The following CSMD1 variants were observed in gnomAD, a reference collection of about 807,000 sequenced individuals.
CSMD1 encodes CUB and sushi domain-containing protein 1.
CSMD1 carries 213 observed loss-of-function variants against 417.5 expected under a neutral mutation model. The ratio of observed to expected loss-of-function variants is 0.51; its 90% CI spans 0.46 to 0.57. CSMD1 has a LOEUF of 0.57. Among genes scored for constraint, CSMD1 ranks in the 20% least tolerant of loss-of-function variants. The pLI is 0.00. For missense variants in CSMD1, 6,923 were observed against 4,529.7 expected, an observed-to-expected ratio of 1.53 and a Z score of -15.17; for synonymous variants, 2,862 against 1,736.8, an observed-to-expected ratio of 1.65 and a Z score of -16.11.
intron 1 of CSMD1, among the ~76,000 whole-genome samples, chr8:4,648,997 A>G (rs1359646399): frequency 6.6e-6 from 1 of 152,190 alleles, no homozygotes; most frequent in East Asian, 1.9e-4. Flanking sequence ...CCTTCAATAA[A>G]CATATCTATA....
intron 4 of CSMD1, among the ~76,000 whole-genome samples, chr8:4,010,527 C>T (rs910525627): frequency 6.6e-6 from 1 of 152,086 alleles, no homozygotes; most frequent in Non-Finnish European, 1.5e-5. Context: ...ATCACCATTC[C>T]CATCATCACC....
intron 23 of CSMD1, among the ~76,000 whole-genome samples, chr8:3,325,601 A>T (rs1001902168): frequency 6.6e-6 from 1 of 152,194 alleles, no homozygotes; most frequent in Admixed American, 6.5e-5. Context: ...AGGCGGGCAA[A>T]TGGCCTGAGG....
intron 3 of CSMD1, among the ~76,000 whole-genome samples, chr8:4,415,803 G>A (rs74341629): frequency 0.032 from 4,838 of 152,234 alleles, 140 homozygotes; most frequent in African/African-American, 0.079. Context: ...GTGTTTACAT[G>A]TATGTGCATT....
chr8:4,291,546 A>T (rs981043546), intron 3 of CSMD1, among the ~76,000 whole-genome samples: 1 of 152,288 alleles, frequency 6.6e-6, no homozygotes, highest in Middle Eastern at 3.4e-3. Context: ...CACATAAAAA[A>T]ATTGCTTAGT....
intron 54 of CSMD1, among the ~76,000 whole-genome samples, chr8:2,986,193 A>G (rs139315891): frequency 2.6e-3 from 394 of 152,312 alleles, no homozygotes; most frequent in Admixed American, 4.6e-3. Context: ...TCCTGCGATA[A>G]TATAAACTTT....
intron 2 of CSMD1, among the ~76,000 whole-genome samples, chr8:4,475,087 T>C (rs1355815731): frequency 2.0e-5 from 3 of 152,192 alleles, no homozygotes; most frequent in African/African-American, 4.8e-5. Flanking sequence ...TATTTATTTT[T>C]AAGCATTTGA....
chr8:4,730,550 C>T (rs1313815295), intron 1 of CSMD1, among the ~76,000 whole-genome samples: 2 of 151,972 alleles, frequency 1.3e-5, no homozygotes, highest in Non-Finnish European at 2.9e-5. Flanking sequence ...ACCATCCTGG[C>T]TAACACGGTG....
chr8:3,290,304 A>T (rs1468218244), intron 25 of CSMD1, among the ~76,000 whole-genome samples: 4 of 146,632 alleles, frequency 2.7e-5, no homozygotes, highest in Non-Finnish European at 5.9e-5. Context: ...TGACTTGGTG[A>T]TTTGGGCTCT....
chr8:3,849,943 T>C (rs1803779915), intron 5 of CSMD1, among the ~76,000 whole-genome samples: 2 of 151,626 alleles, frequency 1.3e-5, no homozygotes, highest in Admixed American at 6.6e-5. Flanking sequence ...GCCTCCCAAG[T>C]AGCTGGGAAT....
At chr8:4,070,730 C>T (rs1287242951) in intron 3 of CSMD1, among the ~76,000 whole-genome samples, 1 of 152,116 alleles carries the variant, frequency 6.6e-6, no homozygotes, top group Non-Finnish European at 1.5e-5. Context: ...GAAGCCCGAG[C>T]AACCATCTCA....
intron 18 of CSMD1, among the ~76,000 whole-genome samples, chr8:3,376,426 T>C (rs1467586724): frequency 6.6e-6 from 1 of 151,972 alleles, no homozygotes; most frequent in South Asian, 2.1e-4. Flanking sequence ...TAATAAATTT[T>C]TCTACAGAAC....
chr8:3,248,590 C>T (rs1377449121), intron 26 of CSMD1, among the ~76,000 whole-genome samples: 1 of 128,560 alleles, frequency 7.8e-6, no homozygotes, highest in African/African-American at 2.9e-5. Flanking sequence ...AGTACAGTGG[C>T]GCGATCTCAG....
chr8:4,305,002 G>T lies in CSMD1; in HGVS notation c.415+114951C>A, dbSNP rs140375068. 3.3e-5 allele frequency among the ~76,000 whole-genome samples: 5 copies of T among 152,218 alleles called. No individual in the cohort carries two copies. The East Asian group carries it at 9.7e-4, about 29-fold the overall frequency. On this transcript the variant is annotated intron_variant, in intron 3 of 69. Coordinates refer to ENST00000635120, the MANE Select transcript of CSMD1 (RefSeq NM_033225.6). ...GGTAATGCCAATGCCTGTTCTTACA[G>T]GACCCACTACAAACACACAGTTCCC...
At chr8:3,778,900 G>A (rs978386951) in intron 5 of CSMD1, among the ~76,000 whole-genome samples, 2 of 152,190 alleles carry the variant, frequency 1.3e-5, no homozygotes, top group African/African-American at 2.4e-5. Context: ...AGTAGGACAG[G>A]AGTTCCCGGA....
At chr8:4,499,657 T>C (rs1385633773) in intron 2 of CSMD1, among the ~76,000 whole-genome samples, 1 of 152,266 alleles carries the variant, frequency 6.6e-6, no homozygotes. Flanking sequence ...CGAGTAGGTA[T>C]GTTATAAATA....
At chr8:3,498,839 T>C (rs1796474045) in intron 10 of CSMD1, among the ~76,000 whole-genome samples, 1 of 152,202 alleles carries the variant, frequency 6.6e-6, no homozygotes. Flanking sequence ...TCAAGACTTC[T>C]GCTTAGTTCT....
intron 28 of CSMD1, among the ~76,000 whole-genome samples, chr8:3,221,557 C>CAAAG (rs1241633410): frequency 1.3e-5 from 2 of 151,824 alleles, no homozygotes; most frequent in Non-Finnish European, 2.9e-5. Context: ...AACAAACAAA[C>CAAAG]AAACACTATA....
chr8:3,040,579 T>A (rs1585208354), intron 50 of CSMD1, among the ~76,000 whole-genome samples: 1 of 151,526 alleles, frequency 6.6e-6, no homozygotes, highest in African/African-American at 2.4e-5. Flanking sequence ...ACGAGGCAGG[T>A]GGATCACGAG....
intron 2 of CSMD1, among the ~76,000 whole-genome samples, chr8:4,611,937 A>G (rs1289102435): frequency 1.3e-5 from 2 of 152,150 alleles, no homozygotes; most frequent in Admixed American, 1.3e-4. Context: ...GTTACTTGTG[A>G]ATTCAGGATT....
Sources: allele counts gnomAD v4.1 joint callset (sites outside exome capture counted in the v4.1 genomes callset), GRCh38; gene constraint gnomAD v4.1.1; transcripts MANE v1.5; gene names NCBI Gene and HGNC (gene_info 2026-07-23, HGNC 2026-07-21).